The following IFT122 variants were observed in gnomAD, a reference collection of about 807,000 sequenced individuals.
The protein encoded by IFT122 is intraflagellar transport 122.
IFT122 carries 118 observed loss-of-function variants against 161.6 expected under a neutral mutation model. The observed-to-expected ratio is 0.73, with a 90% CI of 0.63 to 0.85. IFT122 has a LOEUF of 0.85. Among genes scored for constraint, IFT122 ranks in the 40% least tolerant of loss-of-function variants. The pLI is 0.00. For missense variants in IFT122, 1,381 were observed against 1,579.6 expected (o/e 0.87, Z 2.13); for synonymous variants, 550 against 602.4 (o/e 0.91, Z 1.27).
intron 7 of IFT122, 127 bp downstream of exon 7, chr3:129,464,908 C>A: frequency 2.8e-6 from 3 of 1,062,986 alleles, no homozygotes; most frequent in Non-Finnish European, 4.3e-6. Context: ...AGAACCTGTC[C>A]CATTTGTATG....
intron 13 of IFT122, chr3:129,481,318 G>A (rs2078612907): frequency 3.6e-6 from 2 of 556,014 alleles, no homozygotes; most frequent in Non-Finnish European, 6.7e-6. Context: ...TACTTCTGCA[G>A]CCTCTGATGA....
intron 4 of IFT122, chr3:129,459,576 A>G (rs959347660): frequency 6.3e-6 from 1 of 158,908 alleles, no homozygotes; most frequent in African/African-American, 2.5e-5. Context: ...CCTAGCCCAT[A>G]ATTGGTACTC....
chr3:129,470,270 T>A (rs1194234215), intron 9 of IFT122, among the ~76,000 whole-genome samples: 3 of 151,658 alleles, frequency 2.0e-5, no homozygotes, highest in Non-Finnish European at 2.9e-5. Flanking sequence ...TTATTTATTT[T>A]TAATTTTTTT....
Position 129,514,548 on chromosome 3 carries a change from C to T in IFT122, c.3147C>T (p.Asp1049=), listed in dbSNP as rs2083240500. The change falls in exon 25 of 30, where the codon GAC becomes GAT. Residue 1049 remains aspartate, a synonymous_variant. Coordinates refer to ENST00000348417, the MANE Select transcript of IFT122 (RefSeq NM_052989.3). ...TLTIRAKPFH[D]SEELVPLCYR... is the part of the protein sequence containing the mutation. ...CCATCCGCGCCAAGCCCTTCCACGACAGTGAGGTGAGGATGCAGCACCCTT... is the reference window on the plus strand; with the variant it reads ...CCATCCGCGCCAAGCCCTTCCACGATAGTGAGGTGAGGATGCAGCACCCTT... 2.5e-6 allele frequency: 4 copies of T among 1,614,232 alleles called. No individual in the cohort carries two copies. Among genetic ancestry groups the T allele is most frequent in the South Asian group, 2.2e-5 (2 of 91,088 alleles).
At chr3:129,510,364 C>T (rs1168565836) in intron 23 of IFT122, among the ~76,000 whole-genome samples, 3 of 152,216 alleles carry the variant, frequency 2.0e-5, no homozygotes, top group East Asian at 3.8e-4. Context: ...AGGCTCTGTG[C>T]ATGCCGTCAG....
In IFT122 at chr3:129,495,558, A is replaced by C; in HGVS notation, c.2159A>C (p.Asn720Thr). The C allele has an allele frequency of 6.2e-7, 1 of 1,614,104 alleles. No individual in the cohort carries two copies. Among genetic ancestry groups the C allele is most frequent in the African/African-American group, 1.3e-5 (1 of 75,004 alleles). The change falls in exon 18 of 30, where the codon AAC becomes ACC. Residue 720 changes from asparagine to threonine, a missense_variant. Transcript: ENST00000348417. ...AKLYKRSGHE[N>T]LALEMYTDLC... Reference sequence around the variant, plus strand: ...CTGTACAAGAGGAGTGGGCACGAGAACCTCGCGCTTGAAATGTACACCGAC... The same window carrying C: ...CTGTACAAGAGGAGTGGGCACGAGACCCTCGCGCTTGAAATGTACACCGAC...
intron 19 of IFT122, among the ~76,000 whole-genome samples, chr3:129,501,736 T>C (rs1577986285): frequency 6.6e-6 from 1 of 152,316 alleles, no homozygotes; most frequent in African/African-American, 2.4e-5. Flanking sequence ...CCAGGGACGT[T>C]GGGTGTGATG....
chr3:129,468,844 A>G (rs2077071609), intron 8 of IFT122, among the ~76,000 whole-genome samples: 1 of 152,234 alleles, frequency 6.6e-6, no homozygotes, highest in African/African-American at 2.4e-5. Flanking sequence ...TCACCTGTGC[A>G]AGGACCCCCG....
intron 24 of IFT122, chr3:129,513,053 A>G (rs2083021017): frequency 6.3e-6 from 1 of 157,978 alleles, no homozygotes; most frequent in African/African-American, 2.4e-5. Flanking sequence ...CAAGCAAGGC[A>G]TGTGGGAGAG....
At chr3:129,511,508 A>G (rs1054510227) in intron 23 of IFT122, among the ~76,000 whole-genome samples, 5 of 152,190 alleles carry the variant, frequency 3.3e-5, no homozygotes, top group Admixed American at 2.0e-4. Context: ...GGCCTGCTGT[A>G]ATCCTCACCA....
chr3:129,470,609 C>T (rs915392990), intron 9 of IFT122, among the ~76,000 whole-genome samples: 1 of 149,956 alleles, frequency 6.7e-6, no homozygotes, highest in South Asian at 2.1e-4. Flanking sequence ...CTCACTCTGT[C>T]GCCTAGGCTG....
chr3:129,512,764 G>A (rs2082984344), intron 24 of IFT122: 2 of 371,510 alleles, frequency 5.4e-6, no homozygotes, highest in South Asian at 4.7e-5. Context: ...CCAGACTGGG[G>A]AGGAGGGAGT....
intron 5 of IFT122, 113 bp from the exon 6 acceptor site, chr3:129,463,447 A>G (rs555257593): frequency 7.2e-6 from 6 of 831,536 alleles, no homozygotes; most frequent in Non-Finnish European, 1.0e-5. Context: ...TTCATTCAGC[A>G]TAAAATCCTG....
chr3:129,489,371 C>T (rs1332215858), intron 16 of IFT122, among the ~76,000 whole-genome samples: 10 of 152,242 alleles, frequency 6.6e-5, no homozygotes, highest in South Asian at 2.1e-4. Flanking sequence ...TGAGAATGCC[C>T]GCTGCAGTCA....
intron 1 of IFT122, 80 bp downstream of exon 1, chr3:129,440,451 G>C (rs879423041): frequency 5.3e-6 from 8 of 1,501,318 alleles, no homozygotes; most frequent in South Asian, 2.4e-5. Flanking sequence ...CGTGTTTGAG[G>C]GGGGCAGCGG....
intron 27 of IFT122, among the ~76,000 whole-genome samples, chr3:129,517,846 C>T (rs1374604017): frequency 1.3e-5 from 2 of 152,218 alleles, no homozygotes; most frequent in East Asian, 3.8e-4. Context: ...CCCACCCTCC[C>T]CTGACCCCTA....
intron 15 of IFT122, among the ~76,000 whole-genome samples, chr3:129,486,282 T>G (rs2079268942): frequency 1.3e-5 from 2 of 152,198 alleles, no homozygotes; most frequent in South Asian, 4.1e-4. Flanking sequence ...GCACCAGCTT[T>G]CAGTCCTGAC....
intron 14 of IFT122, among the ~76,000 whole-genome samples, chr3:129,482,352 C>T (rs983847618): frequency 1.3e-5 from 2 of 152,182 alleles, no homozygotes; most frequent in Non-Finnish European, 2.9e-5. Flanking sequence ...GCTGGGCTCG[C>T]GCCATTCTTT....
At chr3:129,481,147 C>G (rs2078589438) in intron 13 of IFT122, among the ~76,000 whole-genome samples, 1 of 152,200 alleles carries the variant, frequency 6.6e-6, no homozygotes, top group African/African-American at 2.4e-5. Context: ...TTTTCTACCA[C>G]ATGTCTTGTC....
Sources: allele counts gnomAD v4.1 joint callset (sites outside exome capture counted in the v4.1 genomes callset), GRCh38; gene constraint gnomAD v4.1.1; transcripts MANE v1.5; gene names NCBI Gene and HGNC (gene_info 2026-07-23, HGNC 2026-07-21).